Variants in CARMIL1 observed in about 807,000 individuals in gnomAD.
CARMIL1 encodes F-actin-uncapping protein LRRC16A.
In CARMIL1, 90 loss-of-function variants were observed where a neutral mutation model predicts 177.1. That is an observed-to-expected ratio of 0.51 (90% CI 0.43 to 0.61). The LOEUF is 0.61. Ranked by LOEUF, CARMIL1 falls within the 20% of genes least tolerant of loss-of-function variation. The pLI, the probability that CARMIL1 is intolerant of heterozygous loss-of-function variation, is 0.00. For missense variants in CARMIL1, 1,380 were observed against 1,667.0 expected (o/e 0.83, Z 3.00); for synonymous variants, 577 against 606.2 (o/e 0.95, Z 0.71).
intron 24 of CARMIL1, among the ~76,000 whole-genome samples, chr6:25,534,077 G>A (rs1203822981): frequency 6.6e-6 from 1 of 150,598 alleles, no homozygotes; most frequent in African/African-American, 2.4e-5. Context: ...TTTATACTAC[G>A]AGCTCTCTTG....
At chr6:25,550,866 G>T in intron 26 of CARMIL1, 44 bp from the exon 27 acceptor site, 1 of 1,556,100 alleles carries the variant, frequency 6.4e-7, no homozygotes, top group Non-Finnish European at 8.8e-7. Context: ...GGCACCTCGG[G>T]TGCAGTGTCA....
At chr6:25,333,308 A>T (rs1457627983) in intron 2 of CARMIL1, among the ~76,000 whole-genome samples, 1 of 152,162 alleles carries the variant, frequency 6.6e-6, no homozygotes, top group Non-Finnish European at 1.5e-5. Flanking sequence ...CATGTCTGTT[A>T]TCCCAGCACT....
intron 2 of CARMIL1, among the ~76,000 whole-genome samples, chr6:25,379,048 G>T (rs1581736188): frequency 1.3e-5 from 2 of 152,216 alleles, no homozygotes; most frequent in Middle Eastern, 6.8e-3. Context: ...TTAAATCTCG[G>T]TTTTCTCATC....
chr6:25,564,745 C>T (rs1811409641), intron 29 of CARMIL1, among the ~76,000 whole-genome samples: 1 of 151,888 alleles, frequency 6.6e-6, no homozygotes, highest in African/African-American at 2.4e-5. Flanking sequence ...GTAATTCTGG[C>T]TTCATTTTTT....
At chr6:25,369,379 GTT>G (rs5875032) in intron 2 of CARMIL1, among the ~76,000 whole-genome samples, 3 of 140,842 alleles carry the variant, frequency 2.1e-5, no homozygotes, top group African/African-American at 2.7e-5. Context: ...GCTGTATTTT[GTT>G]TTTTTTTTTT....
At chr6:25,391,124 A>G (rs1304087091) in intron 2 of CARMIL1, among the ~76,000 whole-genome samples, 23 of 152,328 alleles carry the variant, frequency 1.5e-4, no homozygotes, top group Admixed American at 1.3e-3. Flanking sequence ...ATAGTTAACT[A>G]ATTTAAAGAT....
At chr6:25,290,786 C>T (rs943035043) in intron 2 of CARMIL1, among the ~76,000 whole-genome samples, 2 of 152,070 alleles carry the variant, frequency 1.3e-5, no homozygotes, top group African/African-American at 4.8e-5. Flanking sequence ...ATCTGAAATC[C>T]ACCCCCCCGG....
chr6:25,611,270 C>A (rs923915785), intron 36 of CARMIL1, among the ~76,000 whole-genome samples: 5 of 152,212 alleles, frequency 3.3e-5, no homozygotes, highest in Non-Finnish European at 7.3e-5. Flanking sequence ...GAGACCAAAG[C>A]TGCTAAACCA....
chr6:25,581,560 C>T (rs957909663), intron 31 of CARMIL1, 121 bp downstream of exon 31: 1 of 862,926 alleles, frequency 1.2e-6, no homozygotes, highest in Non-Finnish European at 1.8e-6. Context: ...GAGACTAGAA[C>T]CTCTTTGCAT....
intron 2 of CARMIL1, among the ~76,000 whole-genome samples, chr6:25,373,307 C>T (rs1378976730): frequency 6.7e-6 from 1 of 150,348 alleles, no homozygotes; most frequent in Non-Finnish European, 1.5e-5. Flanking sequence ...TCTTTCTCAA[C>T]CTTTTGGAAT....
chr6:25,473,053 C>T (rs1271936272), intron 11 of CARMIL1, among the ~76,000 whole-genome samples: 1 of 152,222 alleles, frequency 6.6e-6, no homozygotes, highest in Non-Finnish European at 1.5e-5. Flanking sequence ...ACCACTCCCA[C>T]CTCCTAGAGG....
At chr6:25,564,050 T>C (rs1356942933) in intron 29 of CARMIL1, 2 of 204,732 alleles carry the variant, frequency 9.8e-6, no homozygotes, top group Non-Finnish European at 1.7e-5. Flanking sequence ...TATCCATAAG[T>C]ATCATATTAC....
At chr6:25,512,484 T>C (rs1473370890) in intron 20 of CARMIL1, among the ~76,000 whole-genome samples, 1 of 152,240 alleles carries the variant, frequency 6.6e-6, no homozygotes, top group Non-Finnish European at 1.5e-5. Context: ...TGGAAAATAA[T>C]TTGAAATGAT....
At chr6:25,441,662 C>T (rs947710073) in intron 5 of CARMIL1, among the ~76,000 whole-genome samples, 12 of 152,046 alleles carry the variant, frequency 7.9e-5, no homozygotes, top group East Asian at 1.9e-4. Flanking sequence ...TCACTGTTAT[C>T]GTGTGTTTTG....
intron 2 of CARMIL1, among the ~76,000 whole-genome samples, chr6:25,335,361 TATAAGG>T (rs1786101192): frequency 6.6e-6 from 1 of 152,220 alleles, no homozygotes; most frequent in Non-Finnish European, 1.5e-5. Context: ...GGCTTTAAAT[TATAAGG>T]ATGTGTTAAA....
chr6:25,359,859 C>A (rs1789002110), intron 2 of CARMIL1, among the ~76,000 whole-genome samples: 1 of 152,100 alleles, frequency 6.6e-6, no homozygotes, highest in Admixed American at 6.5e-5. Context: ...TTAGCCAAGT[C>A]TGGCTGAATG....
chr6:25,588,073 A>G (rs1332621028), intron 31 of CARMIL1, among the ~76,000 whole-genome samples: 1 of 152,256 alleles, frequency 6.6e-6, no homozygotes, highest in Non-Finnish European at 1.5e-5. Context: ...TTTACATTGT[A>G]TTAGGTATTA....
Position 25,562,908 on chromosome 6 carries a change from A to G in CARMIL1, c.2742+6058A>G, listed in dbSNP as rs141240371. On this transcript the variant is annotated intron_variant, in intron 29 of 36. Transcript: ENST00000329474. ...ATGAGCTTAATTTTGACATGTAATT[A>G]TCATTATAAAAGGTAATTTTGTAAT... Among the ~76,000 whole-genome samples the G allele has an allele frequency of 2.6e-5, 4 of 152,366 alleles. No homozygotes were observed. The East Asian group carries it at 7.7e-4, about 29-fold the overall frequency.
intron 24 of CARMIL1, among the ~76,000 whole-genome samples, chr6:25,536,669 G>A (rs181625147): frequency 6.6e-6 from 1 of 152,250 alleles, no homozygotes; most frequent in Admixed American, 6.5e-5. Flanking sequence ...AAGAGAGATG[G>A]CAGTGCTACA....
Sources: gnomAD v4.1 joint callset for allele counts (sites outside exome capture counted in the v4.1 genomes callset) on GRCh38, gnomAD v4.1.1 for gene constraint, MANE v1.5 for transcripts, NCBI Gene and HGNC (gene_info 2026-07-23, HGNC 2026-07-21) for gene names.